Variants in TECRL observed in about 807,000 individuals in gnomAD.
TECRL encodes trans-2,3-enoyl-CoA reductase-like.
TECRL carries 63 observed loss-of-function variants against 52.8 expected under a neutral mutation model. The observed-to-expected ratio is 1.19, with a 90% CI of 0.97 to 1.47. TECRL has a LOEUF of 1.47. Among genes scored for constraint, TECRL ranks in the 40% most tolerant of loss-of-function variants. The probability of loss-of-function intolerance (pLI) is 0.00; values close to 1 mark genes in which losing one functional copy is unlikely to be tolerated. For synonymous variants in TECRL, 164 were observed against 141.9 expected (o/e 1.16, Z -1.10); for missense variants, 482 against 429.6 (o/e 1.12, Z -1.08).
chr4:64,395,185 G>A (rs1723853374), intron 1 of TECRL, among the ~76,000 whole-genome samples: 1 of 151,818 alleles, frequency 6.6e-6, no homozygotes, highest in African/African-American at 2.4e-5. Flanking sequence ...CCCCCAAATT[G>A]CTGGGATTAC....
chr4:64,395,418 A>G (rs1430430609), intron 1 of TECRL, among the ~76,000 whole-genome samples: 4 of 152,152 alleles, frequency 2.6e-5, no homozygotes, highest in Non-Finnish European at 5.9e-5. Flanking sequence ...GTTTGAGCAC[A>G]AAACTTTAGT....
At chr4:64,387,122 T>A (rs1488578753) in intron 1 of TECRL, among the ~76,000 whole-genome samples, 1 of 152,184 alleles carries the variant, frequency 6.6e-6, no homozygotes, top group Non-Finnish European at 1.5e-5. Context: ...TTAGCTGTCA[T>A]CATTGTTTTG....
At chr4:64,363,471 C>A (rs1344460892) in intron 2 of TECRL, among the ~76,000 whole-genome samples, 1 of 152,102 alleles carries the variant, frequency 6.6e-6, no homozygotes, top group Non-Finnish European at 1.5e-5. Flanking sequence ...GTACACCCAA[C>A]AAAGGAGACA....
intron 2 of TECRL, among the ~76,000 whole-genome samples, chr4:64,337,423 C>G (rs189547297): frequency 6.6e-6 from 1 of 152,046 alleles, no homozygotes; most frequent in Non-Finnish European, 1.5e-5. Flanking sequence ...GAAGTTCTGG[C>G]CAGGGCAATT....
At chr4:64,327,144 C>A (rs1351636762) in intron 3 of TECRL, among the ~76,000 whole-genome samples, 1 of 151,970 alleles carries the variant, frequency 6.6e-6, no homozygotes. Flanking sequence ...CTGAATCAAT[C>A]CAAATGAGCT....
Position 64,372,607 on chromosome 4 carries a change from AAC to A in TECRL, c.286+2563_286+2564del, listed in dbSNP as rs1257249794. On this transcript the variant is annotated intron_variant, in intron 2 of 11. Transcript: ENST00000381210. ...TACAGTAAAAAAAGTTCTAAAATAA[AAC>A]AAAGAAAAATGTAAAGCTGATAAGT... 2.6e-5 allele frequency among the ~76,000 whole-genome samples: 4 copies of A among 151,782 alleles called. No individual in the cohort carries two copies. In the East Asian group the frequency reaches 7.7e-4, roughly 29 times the overall value.
rs139050640 is a variant in TECRL, at chr4:64,349,856, G to A, written c.287-21300C>T. Among the ~76,000 whole-genome samples, 20 of 152,250 alleles carry A rather than the reference G, an allele frequency of 1.3e-4. No individual in the cohort carries two copies. In the East Asian group the frequency reaches 3.5e-3, roughly 26 times the overall value. ...TCAAAAATAATAATGGAATTTATAG[G>A]TGAAGAGTAATAGTGTGGTTGAAAA... is the stretch of plus-strand genomic sequence containing the variant. On this transcript the variant is annotated intron_variant, in intron 2 of 11. Coordinates refer to ENST00000381210, the MANE Select transcript of TECRL (RefSeq NM_001010874.5).
At chr4:64,289,100 C>T (rs1723237121) in intron 9 of TECRL, among the ~76,000 whole-genome samples, 1 of 152,108 alleles carries the variant, frequency 6.6e-6, no homozygotes, top group Admixed American at 6.6e-5. Context: ...AACTACTTTT[C>T]ATTGGCAAAA....
intron 8 of TECRL, among the ~76,000 whole-genome samples, chr4:64,293,134 A>G (rs1354183012): frequency 6.6e-6 from 1 of 152,140 alleles, no homozygotes; most frequent in African/African-American, 2.4e-5. Context: ...AGTTATCGTC[A>G]TAAGGATAAA....
intron 8 of TECRL, among the ~76,000 whole-genome samples, chr4:64,291,321 C>A (rs982037919): frequency 5.9e-5 from 9 of 151,948 alleles, no homozygotes; most frequent in Non-Finnish European, 1.0e-4. Context: ...CTTCTCTAGA[C>A]TTCATTCTAA....
intron 7 of TECRL, among the ~76,000 whole-genome samples, chr4:64,301,430 G>T (rs979099048): frequency 3.3e-5 from 5 of 151,110 alleles, no homozygotes; most frequent in African/African-American, 1.2e-4. Flanking sequence ...ACTATTCAAT[G>T]TAACTTTACT....
chr4:64,399,279 A>C (rs2109774132), intron 1 of TECRL, among the ~76,000 whole-genome samples: 1 of 152,300 alleles, frequency 6.6e-6, no homozygotes, highest in African/African-American at 2.4e-5. Context: ...CTCATAGCCT[A>C]ATTTCAGATG....
chr4:64,327,954 C>G (rs1402453713), intron 3 of TECRL, among the ~76,000 whole-genome samples: 4 of 151,774 alleles, frequency 2.6e-5, no homozygotes, highest in Non-Finnish European at 5.9e-5. Flanking sequence ...AAATTTTAAA[C>G]TCCAAATTTA....
At chr4:64,333,740 G>C (rs71610739) in intron 2 of TECRL, among the ~76,000 whole-genome samples, 1 of 127,516 alleles carries the variant, frequency 7.8e-6, no homozygotes, top group Non-Finnish European at 1.6e-5. Context: ...GAATGTCCTG[G>C]CCGGGCGCGG....
At chr4:64,386,766 T>A (rs575710497) in intron 1 of TECRL, among the ~76,000 whole-genome samples, 7 of 152,200 alleles carry the variant, frequency 4.6e-5, no homozygotes, top group Non-Finnish European at 1.0e-4. Context: ...CGTTATTTTA[T>A]AATAGGCTTC....
At chr4:64,346,536 G>A (rs898845754) in intron 2 of TECRL, among the ~76,000 whole-genome samples, 14 of 152,250 alleles carry the variant, frequency 9.2e-5, no homozygotes, top group South Asian at 4.1e-4. Flanking sequence ...AGGGGCTTGC[G>A]CCCTCTGAAG....
rs143920369 is a variant in TECRL, at chr4:64,349,054, T to C, written c.287-20498A>G. Reference sequence around the variant, plus strand: ...AATGTAATTCCTTTACTAGAGGCTTTTTGGAAATTACAAAAAAAAAAAAAA... The same window carrying C: ...AATGTAATTCCTTTACTAGAGGCTTCTTGGAAATTACAAAAAAAAAAAAAA... On this transcript the variant is annotated intron_variant, in intron 2 of 11. Transcript: ENST00000381210. 2.9e-3 allele frequency among the ~76,000 whole-genome samples: 291 copies of C among 101,528 alleles called. No homozygotes were observed. In the South Asian group the frequency reaches 0.046, roughly 16 times the overall value. The allele number at this position is 101,528 out of a possible 152,430, so 66.6% of individuals were successfully genotyped here.
chr4:64,309,754 G>T (rs896005973), intron 6 of TECRL, 72 bp downstream of exon 6: 14 of 971,938 alleles, frequency 1.4e-5, no homozygotes, highest in Non-Finnish European at 2.3e-5. Context: ...AGGAAACAAT[G>T]ATTAAATATT....
chr4:64,369,660 C>A (rs559729127), intron 2 of TECRL, among the ~76,000 whole-genome samples: 1 of 151,670 alleles, frequency 6.6e-6, no homozygotes, highest in African/African-American at 2.4e-5. Context: ...TTATTAGCTG[C>A]GTGACCTGGG....
Sources: allele counts gnomAD v4.1 joint callset (sites outside exome capture counted in the v4.1 genomes callset), GRCh38; gene constraint gnomAD v4.1.1; transcripts MANE v1.5; gene names NCBI Gene and HGNC (gene_info 2026-07-23, HGNC 2026-07-21).